The following MZT1 variants were observed in gnomAD, a reference collection of about 807,000 sequenced individuals.
MZT1 encodes mitotic-spindle organizing protein 1.
In MZT1, 8 loss-of-function variants were observed where a neutral mutation model predicts 8.5. The observed-to-expected ratio is 0.94, with a 90% confidence interval of 0.55 to 1.70. The LOEUF (loss-of-function observed/expected upper bound fraction) is 1.70, where lower values mean the gene tolerates loss of function less well. Ranked by LOEUF, MZT1 falls within the 40% of genes most tolerant of loss-of-function variation. The pLI is 0.00. For synonymous variants in MZT1, 38 were observed against 42.0 expected, an observed-to-expected ratio of 0.90 and a Z score of 0.37; for missense variants, 93 against 108.6, an observed-to-expected ratio of 0.86 and a Z score of 0.64.
rs767557447 is a variant in MZT1, at chr13:72,718,991, C to T, written c.186G>A (p.Ser62=). Residue 62 remains serine, a synonymous_variant, in exon 2 of 3, where the codon TCG becomes TCA. Coordinates refer to ENST00000377818, the MANE Select transcript of MZT1 (RefSeq NM_001071775.3). ...EQGINPEALS[S]VIKELRKATE... ...TAGCCTTGCGAAGCTCCTTAATAACCGATGATAAAGCTTCTGGGTTAATTC... is the reference window on the plus strand; with the variant it reads ...TAGCCTTGCGAAGCTCCTTAATAACTGATGATAAAGCTTCTGGGTTAATTC... The T allele has an allele frequency of 9.4e-6, 15 of 1,591,286 alleles. No homozygotes were observed. Among genetic ancestry groups the T allele is most frequent in the Admixed American group, 9.0e-5 (5 of 55,716 alleles).
chr13:72,723,132 C>T (rs547945470), intron 1 of MZT1, among the ~76,000 whole-genome samples: 1 of 152,242 alleles, frequency 6.6e-6, no homozygotes, highest in South Asian at 2.1e-4. Flanking sequence ...GGTAGACCCC[C>T]CCACGTATAA....
intron 1 of MZT1, among the ~76,000 whole-genome samples, chr13:72,723,082 C>G (rs2032605908): frequency 6.6e-6 from 1 of 152,018 alleles, no homozygotes; most frequent in Non-Finnish European, 1.5e-5. Context: ...TCAGTTGATT[C>G]TCTCCCTTCT....
At chr13:72,722,511 C>T (rs2032601230) in intron 1 of MZT1, among the ~76,000 whole-genome samples, 1 of 152,160 alleles carries the variant, frequency 6.6e-6, no homozygotes. Flanking sequence ...TGGCTGAAAA[C>T]TCATCTTCCA....
chr13:72,715,149 C>A (rs1485200418), intron 2 of MZT1, among the ~76,000 whole-genome samples: 1 of 152,184 alleles, frequency 6.6e-6, no homozygotes, highest in African/African-American at 2.4e-5. Flanking sequence ...CATACCCCTC[C>A]CACCAGTGTG....
At chr13:72,723,552 T>C (rs2138018477) in intron 1 of MZT1, among the ~76,000 whole-genome samples, 1 of 152,332 alleles carries the variant, frequency 6.6e-6, no homozygotes, top group Non-Finnish European at 1.5e-5. Context: ...CTTCAGGCTA[T>C]GTGTATAAGG....
intron 1 of MZT1, among the ~76,000 whole-genome samples, chr13:72,720,733 A>G (rs2032585015): frequency 6.6e-6 from 1 of 152,144 alleles, no homozygotes; most frequent in Non-Finnish European, 1.5e-5. Context: ...TACTAAAAAT[A>G]CAAAATTAGC....
chr13:72,716,697 T>A (rs1251551495), intron 2 of MZT1, among the ~76,000 whole-genome samples: 1 of 152,170 alleles, frequency 6.6e-6, no homozygotes, highest in Non-Finnish European at 1.5e-5. Flanking sequence ...AGTGAGTTAG[T>A]GCTATATAAA....
In MZT1 at chr13:72,727,518, A is replaced by C; in HGVS notation, c.79+6T>G. On this transcript the variant is annotated splice_donor_region_variant and intron_variant, in intron 1 of 2. Coordinates refer to ENST00000377818, the MANE Select transcript of MZT1 (RefSeq NM_001071775.3). The stretch of plus-strand genomic sequence containing the variant: ...GCAAGGTAAAGGGAGCGCAACGGAA[A>C]CTCACCGTCCATGGTCTCCCGCACC... 6 of 1,613,456 alleles carry C rather than the reference A, an allele frequency of 3.7e-6. No homozygotes were observed. The highest frequency in any genetic ancestry group is 5.1e-6 in the Non-Finnish European group (6 of 1,179,660).
In MZT1 at chr13:72,710,267, A is replaced by G. The variant is rs1364976209; in HGVS notation, c.*55T>C. ...ATTGTACATTCTCAACTACAATGCA[A>G]TCTTCAAACCCTCTTGCAGAGCTTG... On this transcript the variant is annotated 3_prime_UTR_variant, in exon 3 of 3. Transcript: ENST00000377818. 6.3e-7 allele frequency: 1 copy of G among 1,590,028 alleles called. No homozygotes were observed. Among genetic ancestry groups the G allele is most frequent in the Non-Finnish European group, 8.6e-7 (1 of 1,160,554 alleles).
chr13:72,719,540 C>T (rs981124542), intron 1 of MZT1, among the ~76,000 whole-genome samples: 2 of 152,100 alleles, frequency 1.3e-5, no homozygotes, highest in Non-Finnish European at 2.9e-5. Flanking sequence ...TGGTAAGAAT[C>T]TGTACATACT....
chr13:72,718,562 G>C (rs539485256), intron 2 of MZT1, among the ~76,000 whole-genome samples: 1 of 151,338 alleles, frequency 6.6e-6, no homozygotes, highest in Non-Finnish European at 1.5e-5. Flanking sequence ...TGCAAGCTCC[G>C]CGCCTCCTGG....
chr13:72,725,347 T>C (rs977875614), intron 1 of MZT1, among the ~76,000 whole-genome samples: 2 of 152,102 alleles, frequency 1.3e-5, no homozygotes, highest in African/African-American at 4.8e-5. Context: ...TTGGCAGAGA[T>C]AGTTCTTTTC....
rs377684751 is a variant in MZT1, at chr13:72,718,967, A to C, written c.210T>G (p.Ala70=). The C allele has an allele frequency of 1.8e-5, 29 of 1,571,140 alleles. No individual in the cohort carries two copies. The highest frequency in any genetic ancestry group is 2.2e-5 in the Non-Finnish European group (26 of 1,166,220). ...AATCTCCAACCTTCAGTGCTTCAGTAGCCTTGCGAAGCTCCTTAATAACCG... is the reference window on the plus strand; with the variant it reads ...AATCTCCAACCTTCAGTGCTTCAGTCGCCTTGCGAAGCTCCTTAATAACCG... ...LSSVIKELRK[A]TEALKAAENM... is the part of the protein sequence containing the mutation. Residue 70 remains alanine (A), a synonymous_variant, in exon 2 of 3, where the codon GCT becomes GCG. Coordinates refer to ENST00000377818, the MANE Select transcript of MZT1 (RefSeq NM_001071775.3).
chr13:72,724,386 G>GT (rs2032619216), intron 1 of MZT1, among the ~76,000 whole-genome samples: 1 of 151,922 alleles, frequency 6.6e-6, no homozygotes, highest in African/African-American at 2.4e-5. Flanking sequence ...GGCAGAGGAG[G>GT]TGAGAAAGCA....
At chr13:72,718,467 A>G (rs970659192) in intron 2 of MZT1, among the ~76,000 whole-genome samples, 1 of 151,866 alleles carries the variant, frequency 6.6e-6, no homozygotes, top group Non-Finnish European at 1.5e-5. Context: ...GGTCCATGGT[A>G]GTAGTAATTT....
intron 1 of MZT1, among the ~76,000 whole-genome samples, chr13:72,720,893 G>GA (rs1190834409): frequency 6.7e-6 from 1 of 149,412 alleles, no homozygotes; most frequent in African/African-American, 2.5e-5. Flanking sequence ...TGTCTCAAAA[G>GA]AAAAAACAAA....
At chr13:72,719,215 C>T in intron 1 of MZT1, 118 bp from the exon 2 acceptor site, 1 of 793,762 alleles carries the variant, frequency 1.3e-6, no homozygotes, top group Non-Finnish European at 1.8e-6. Context: ...GCATAGCATC[C>T]CAGGTTTTGG....
chr13:72,712,584 A>G (rs1186463370), intron 2 of MZT1, among the ~76,000 whole-genome samples: 2 of 152,236 alleles, frequency 1.3e-5, no homozygotes, highest in Non-Finnish European at 2.9e-5. Context: ...GATTCAGTGT[A>G]TCTTAATTAC....
At chr13:72,713,195 T>C (rs1207133275) in intron 2 of MZT1, among the ~76,000 whole-genome samples, 2 of 152,198 alleles carry the variant, frequency 1.3e-5, no homozygotes, top group Non-Finnish European at 2.9e-5. Context: ...GTTCTTAAGG[T>C]AAGTAAATTA....
Sources: gnomAD v4.1 joint callset for allele counts (sites outside exome capture counted in the v4.1 genomes callset) on GRCh38, gnomAD v4.1.1 for gene constraint, MANE v1.5 for transcripts, NCBI Gene and HGNC (gene_info 2026-07-23, HGNC 2026-07-21) for gene names.